PRUNE2: variants seen among roughly 807,000 people sequenced by gnomAD.
The protein encoded by PRUNE2 is protein prune homolog 2.
A neutral mutation model predicts 252.0 loss-of-function variants in PRUNE2; 164 were observed. The observed-to-expected ratio is 0.65, with a 90% confidence interval of 0.57 to 0.74. PRUNE2 has a LOEUF of 0.74. PRUNE2 is among the 30% of genes least tolerant of loss of function. The probability of loss-of-function intolerance (pLI) is 0.00; values close to 1 mark genes in which losing one functional copy is unlikely to be tolerated. For missense variants in PRUNE2, 3,495 were observed against 3,711.0 expected (o/e 0.94, Z 1.51); for synonymous variants, 1,292 against 1,350.2 (o/e 0.96, Z 0.94).
chr9:76,644,565 T>C, intron 12 of PRUNE2, 174 bp downstream of exon 12: 1 of 726,998 alleles, frequency 1.4e-6, no homozygotes, highest in African/African-American at 1.7e-5. Flanking sequence ...GGATTTCAAA[T>C]GTTTATTGAA....
In PRUNE2 at chr9:76,775,118, C is replaced by G. The variant is rs375398107; in HGVS notation, c.756+48514G>C. Among the ~76,000 whole-genome samples the G allele has an allele frequency of 2.7e-4, 41 of 152,248 alleles. 1 individual carries two copies. In the South Asian group the frequency reaches 8.3e-3, roughly 31 times the overall value. ...CTAAGCTGAACCGAATAGGACCAGA[C>G]AGAAAATCAAGTTTATTTGGTCGGG... On this transcript the variant is annotated intron_variant, in intron 6 of 18. Coordinates refer to ENST00000376718, the MANE Select transcript of PRUNE2 (RefSeq NM_015225.3).
At chr9:76,700,690 G>C (rs981382429) in intron 9 of PRUNE2, among the ~76,000 whole-genome samples, 2 of 152,124 alleles carry the variant, frequency 1.3e-5, no homozygotes, top group Non-Finnish European at 2.9e-5. Flanking sequence ...GACTATAAAA[G>C]AAAATATTCT....
intron 6 of PRUNE2, among the ~76,000 whole-genome samples, chr9:76,775,501 A>G (rs888054287): frequency 6.6e-6 from 1 of 151,858 alleles, no homozygotes; most frequent in Non-Finnish European, 1.5e-5. Context: ...GGATCTCGCT[A>G]TGCTGCCCAG....
At chr9:76,636,000 A>G (rs1004100463) in intron 15 of PRUNE2, among the ~76,000 whole-genome samples, 3 of 152,128 alleles carry the variant, frequency 2.0e-5, no homozygotes, top group African/African-American at 7.2e-5. Flanking sequence ...GGCTGCCCAG[A>G]CTCTATATAA....
At chr9:76,637,687 A>G in intron 13 of PRUNE2, 138 bp from the exon 14 acceptor site, 5 of 694,472 alleles carry the variant, frequency 7.2e-6, no homozygotes, top group Middle Eastern at 3.5e-4. Flanking sequence ...GAAGAATACA[A>G]TTACCTAAGA....
chr9:76,877,206 TA>T (rs34647421), intron 1 of PRUNE2, among the ~76,000 whole-genome samples: 60 of 146,142 alleles, frequency 4.1e-4, no homozygotes, highest in Admixed American at 6.8e-4. Flanking sequence ...CATTTTTCAT[TA>T]AAAAAAAAAA....
In PRUNE2 at chr9:76,708,902, C is replaced by G. The variant is rs1483959345; in HGVS notation, c.3372G>C (p.Gln1124His). The G allele has an allele frequency of 6.2e-7, 1 of 1,613,846 alleles. No individual in the cohort carries two copies. The highest frequency in any genetic ancestry group is 1.3e-5 in the African/African-American group (1 of 74,908). The change falls in exon 8 of 19, where the codon CAG (glutamine) becomes CAC (histidine). Residue 1124 changes from glutamine (Q) to histidine (H), a missense_variant. Gln to His is a conservative substitution (Grantham distance 24). Coordinates refer to ENST00000376718, the MANE Select transcript of PRUNE2 (RefSeq NM_015225.3). Reference protein sequence around the residue: ...LWNRVILEDTQSTATISDMDN... With the variant: ...LWNRVILEDTHSTATISDMDN... ...CCATATCTGAGATCGTTGCAGTGGA[C>G]TGAGTATCCTCCAAAATCACTCTGT...
chr9:76,845,196 T>A (rs1489974204), intron 4 of PRUNE2, among the ~76,000 whole-genome samples: 1 of 152,190 alleles, frequency 6.6e-6, no homozygotes, highest in African/African-American at 2.4e-5. Context: ...TTTGTGCCAA[T>A]GTATTTGTTT....
rs377730475 is a variant in PRUNE2, at chr9:76,703,612, G to A, written c.8001C>T (p.Gly2667=). Residue 2667 remains glycine, a synonymous_variant, in exon 9 of 19, where the codon GGC becomes GGT. Transcript: ENST00000376718. The stretch of plus-strand genomic sequence containing the variant: ...TCTGCAGCTGGGGACCCTCACCCAA[G>A]CCGAGTTCAGAGAACGGCTCCACAG... ...GKTVEPFSEL[G]LGEGPQLQIL... 5 of 1,612,822 alleles carry A rather than the reference G, an allele frequency of 3.1e-6. No homozygotes were observed. The highest frequency in any genetic ancestry group is 1.6e-4 in the Middle Eastern group (1 of 6,084).
intron 6 of PRUNE2, among the ~76,000 whole-genome samples, chr9:76,816,572 A>C (rs2057709437): frequency 6.6e-6 from 1 of 152,180 alleles, no homozygotes; most frequent in South Asian, 2.1e-4. Flanking sequence ...AAATCCACAC[A>C]ATCAAAGTTA....
At chr9:76,725,383 A>G (rs1168993053) in intron 6 of PRUNE2, among the ~76,000 whole-genome samples, 1 of 152,138 alleles carries the variant, frequency 6.6e-6, no homozygotes, top group East Asian at 1.9e-4. Flanking sequence ...GCTCAATGAA[A>G]GTGTCAGTAC....
At chr9:76,660,363 G>A (rs1193299194) in intron 9 of PRUNE2, among the ~76,000 whole-genome samples, 2 of 152,158 alleles carry the variant, frequency 1.3e-5, no homozygotes, top group East Asian at 3.8e-4. Context: ...AGTAGGAGCT[G>A]GAGACACTAG....
rs7868609 is a variant in PRUNE2 at position 76,703,950 on chromosome 9, G to A, written c.7663C>T (p.Arg2555Cys). Residue 2555 changes from arginine (R) to cysteine (C), a missense_variant, in exon 9 of 19, where the codon CGT becomes TGT. Arg to Cys is a radical substitution (Grantham distance 180, BLOSUM62 -3). Coordinates refer to ENST00000376718, the MANE Select transcript of PRUNE2 (RefSeq NM_015225.3). ...ALHMDYILVN[R>C]EENSHSKPET... Reference sequence around the variant, plus strand: ...GGCTTTGAGTGTGAATTTTCTTCACGGTTTACAAGTATGTAATCCATGTGT... The same window carrying A: ...GGCTTTGAGTGTGAATTTTCTTCACAGTTTACAAGTATGTAATCCATGTGT... 1.5e-5 allele frequency: 25 copies of A among 1,613,626 alleles called. No homozygotes were observed. The highest frequency in any genetic ancestry group is 1.3e-4 in the Admixed American group (8 of 59,966).
intron 16 of PRUNE2, among the ~76,000 whole-genome samples, chr9:76,628,557 G>GA (rs397744582): frequency 6.6e-6 from 1 of 152,070 alleles, no homozygotes; most frequent in Non-Finnish European, 1.5e-5. Flanking sequence ...CAGAGTGGGG[G>GA]ACACAAGAAA....
intron 4 of PRUNE2, among the ~76,000 whole-genome samples, chr9:76,839,243 G>A (rs11145097): frequency 3.3e-5 from 5 of 151,892 alleles, no homozygotes; most frequent in African/African-American, 4.8e-5. Flanking sequence ...AGTGTTTATC[G>A]AGGGCCTACT....
intron 6 of PRUNE2, among the ~76,000 whole-genome samples, chr9:76,800,049 CTT>C (rs1248928154): frequency 1.3e-5 from 2 of 151,902 alleles, no homozygotes; most frequent in Non-Finnish European, 2.9e-5. Flanking sequence ...AGCCCTCTCT[CTT>C]TCTTTTTTTT....
At chr9:76,661,492 C>T (rs957124829) in intron 9 of PRUNE2, among the ~76,000 whole-genome samples, 15 of 152,206 alleles carry the variant, frequency 9.9e-5, no homozygotes, top group African/African-American at 3.6e-4. Context: ...ATCTGCCTGC[C>T]TCAGCCTCCC....
At chr9:76,843,155 G>T (rs1371435264) in intron 4 of PRUNE2, among the ~76,000 whole-genome samples, 1 of 152,108 alleles carries the variant, frequency 6.6e-6, no homozygotes, top group Non-Finnish European at 1.5e-5. Flanking sequence ...AATAAAGGAT[G>T]AGCTCATGTC....
Position 76,705,598 on chromosome 9 carries a change from G to A in PRUNE2, c.6676C>T (p.Pro2226Ser), listed in dbSNP as rs1261675196. Residue 2226 changes from proline (P) to serine (S), a missense_variant, in exon 8 of 19, where the codon CCA (proline) becomes TCA (serine). Pro to Ser is a moderately conservative substitution (Grantham distance 74, BLOSUM62 -1). Coordinates refer to ENST00000376718, the MANE Select transcript of PRUNE2 (RefSeq NM_015225.3). ...CTAGTTGCCACATTTTCAATCCTTG[G>A]GATTCTTCTGTCAACTGGTTCCAAA... ...PILEPVDRRIPRIENVATSIF... is the reference protein window; with the variant it reads ...PILEPVDRRISRIENVATSIF... 6.2e-7 allele frequency: 1 copy of A among 1,613,958 alleles called. No individual in the cohort carries two copies. The highest frequency in any genetic ancestry group is 2.2e-5 in the East Asian group (1 of 44,882).
Sources: gnomAD v4.1 joint callset for allele counts (sites outside exome capture counted in the v4.1 genomes callset) on GRCh38, gnomAD v4.1.1 for gene constraint, MANE v1.5 for transcripts, NCBI Gene and HGNC (gene_info 2026-07-23, HGNC 2026-07-21) for gene names.